The following PCDH15 variants were observed in gnomAD, a reference collection of about 807,000 sequenced individuals.
PCDH15 encodes the protein protocadherin related 15, also known as protocadherin-15.
PCDH15 carries 129 observed loss-of-function variants against 178.5 expected under a neutral mutation model. The observed-to-expected ratio is 0.72, with a 90% confidence interval of 0.63 to 0.84. The LOEUF (loss-of-function observed/expected upper bound fraction) is 0.84, where lower values mean the gene tolerates loss of function less well. Ranked by LOEUF, PCDH15 falls within the 40% of genes least tolerant of loss-of-function variation. The pLI is 0.00. For missense variants in PCDH15, 2,230 were observed against 2,099.9 expected, an observed-to-expected ratio of 1.06 and a Z score of -1.21; for synonymous variants, 800 against 732.0, an observed-to-expected ratio of 1.09 and a Z score of -1.50.
At chr10:54,645,921 G>A (rs540904954) in intron 2 of PCDH15, among the ~76,000 whole-genome samples, 5 of 152,022 alleles carry the variant, frequency 3.3e-5, no homozygotes, top group Admixed American at 3.3e-4. Flanking sequence ...TATTATTCTT[G>A]ATTATGGATA....
intron 1 of PCDH15, among the ~76,000 whole-genome samples, chr10:54,744,372 C>T (rs1197590671): frequency 1.3e-5 from 2 of 152,066 alleles, no homozygotes; most frequent in Non-Finnish European, 2.9e-5. Flanking sequence ...ATGTTTGCTG[C>T]TTTATCCAGT....
intron 18 of PCDH15, among the ~76,000 whole-genome samples, chr10:54,062,002 A>C (rs1354575443): frequency 6.6e-6 from 1 of 152,086 alleles, no homozygotes; most frequent in East Asian, 1.9e-4. Context: ...AGGCGGGCAG[A>C]TCACCTGAGG....
At chr10:55,551,579 T>G (rs1378944804) in intron 2 of PCDH15, among the ~76,000 whole-genome samples, 1 of 151,820 alleles carries the variant, frequency 6.6e-6, no homozygotes, top group Non-Finnish European at 1.5e-5. Context: ...CCCAAAAAAG[T>G]TGGCAATATT....
chr10:54,242,184 A>G (rs1397873022), intron 8 of PCDH15, among the ~76,000 whole-genome samples: 1 of 109,002 alleles, frequency 9.2e-6, no homozygotes, highest in African/African-American at 4.2e-5. Context: ...ATATATATAT[A>G]TATACACACA....
At chr10:54,626,437 C>T (rs1379340550) in intron 2 of PCDH15, among the ~76,000 whole-genome samples, 1 of 152,130 alleles carries the variant, frequency 6.6e-6, no homozygotes, top group Non-Finnish European at 1.5e-5. Flanking sequence ...GGACCTGATG[C>T]CCTGCTTCCA....
At chr10:55,531,845 T>A (rs1386871315) in intron 2 of PCDH15, among the ~76,000 whole-genome samples, 2 of 152,050 alleles carry the variant, frequency 1.3e-5, no homozygotes, top group African/African-American at 4.8e-5. Flanking sequence ...TGATAGCATG[T>A]CATAAAGTGT....
rs114770563 is a variant in PCDH15, at chr10:55,201,448, T to G, written c.-155-34797A>C. ...AGGAGAAAATATTGCTAATGATTTATTATATAAGCACCTTAAATTATGTCA... is the reference window on the plus strand; with the variant it reads ...AGGAGAAAATATTGCTAATGATTTAGTATATAAGCACCTTAAATTATGTCA... On this transcript the variant is annotated intron_variant, in intron 1 of 5. Coordinates refer to the PCDH15 transcript ENST00000458638. 9.3e-3 allele frequency among the ~76,000 whole-genome samples: 1,411 copies of G among 152,286 alleles called. 29 individuals are homozygous for G. The highest frequency in any genetic ancestry group is 0.032 in the African/African-American group (1,333 of 41,522).
intron 1 of PCDH15, among the ~76,000 whole-genome samples, chr10:55,209,955 A>T (rs1457725658): frequency 2.0e-5 from 3 of 152,076 alleles, no homozygotes; most frequent in Admixed American, 1.3e-4. Context: ...TCTAGAACTA[A>T]GCCTTGAAGA....
chr10:54,509,488 G>A (rs1437380027), intron 3 of PCDH15, among the ~76,000 whole-genome samples: 4 of 151,962 alleles, frequency 2.6e-5, no homozygotes, highest in Non-Finnish European at 5.9e-5. Flanking sequence ...AGTGTTCTTT[G>A]GAAAGATAGC....
chr10:53,959,477 T>C (rs2088040796), intron 23 of PCDH15, among the ~76,000 whole-genome samples: 1 of 152,078 alleles, frequency 6.6e-6, no homozygotes, highest in South Asian at 2.1e-4. Flanking sequence ...CAAAATATAA[T>C]GTTGTATTTT....
chr10:53,991,157 C>T (rs774036850), intron 21 of PCDH15, among the ~76,000 whole-genome samples: 278 of 152,212 alleles, frequency 1.8e-3, no homozygotes, highest in Non-Finnish European at 3.3e-3. Flanking sequence ...TGCTCCATGG[C>T]GCCCGGTCCC....
chr10:54,832,741 T>C (rs1232349716), intron 3 of PCDH15, among the ~76,000 whole-genome samples: 1 of 152,198 alleles, frequency 6.6e-6, no homozygotes, highest in African/African-American at 2.4e-5. Context: ...CTTTTATTAC[T>C]GGATAATTAG....
chr10:55,224,612 G>A (rs1840974900), intron 1 of PCDH15, among the ~76,000 whole-genome samples: 1 of 152,104 alleles, frequency 6.6e-6, no homozygotes. Context: ...AAGGCCCTGA[G>A]TATAAGGCTC....
At chr10:54,733,942 C>T (rs1418145237) in intron 1 of PCDH15, among the ~76,000 whole-genome samples, 1 of 149,408 alleles carries the variant, frequency 6.7e-6, no homozygotes, top group Non-Finnish European at 1.5e-5. Context: ...TCAAAATCAA[C>T]AGTAAAGGAT....
At chr10:54,475,402 T>C (rs2078208804) in intron 3 of PCDH15, among the ~76,000 whole-genome samples, 1 of 151,972 alleles carries the variant, frequency 6.6e-6, no homozygotes, top group South Asian at 2.1e-4. Context: ...GTAACATTTT[T>C]AAGCCTTAAT....
chr10:54,545,587 A>C (rs1339373652), intron 2 of PCDH15, among the ~76,000 whole-genome samples: 1 of 152,068 alleles, frequency 6.6e-6, no homozygotes, highest in Non-Finnish European at 1.5e-5. Flanking sequence ...AGGAAGGAAG[A>C]GAAAGAAGAC....
Position 54,153,183 on chromosome 10 carries a change from G to A in PCDH15, c.1701C>T (p.Ile567=), listed in dbSNP as rs773444573. 5 of 1,613,900 alleles carry A rather than the reference G, an allele frequency of 3.1e-6. No homozygotes were observed. Among genetic ancestry groups the A allele is most frequent in the Non-Finnish European group, 3.4e-6 (4 of 1,179,882 alleles). The change falls in exon 14 of 38, where the codon ATC becomes ATT. Residue 567 remains isoleucine, a synonymous_variant. Coordinates refer to ENST00000644397, the MANE Select transcript of PCDH15 (RefSeq NM_001384140.1). ...IINKTTGLIT[I]APGVEMIVGR... ...CGACTATCATTTCCACCCCTGGAGC[G>A]ATGGTGATAAGCCCTGTTGTTTTAT... is the stretch of plus-strand genomic sequence containing the variant.
At chr10:55,023,574 G>C (rs117178061) in intron 2 of PCDH15, among the ~76,000 whole-genome samples, 9 of 151,580 alleles carry the variant, frequency 5.9e-5, no homozygotes, top group African/African-American at 1.9e-4. Context: ...CACACACACA[G>C]ACACACACAC....
At position 55,460,795 on chromosome 10, in the gene PCDH15, A is replaced by G. The variant is rs1053635060; in HGVS notation, c.-156+166830T>C. ...TTGTATGCCAGACATTGTATATTTTATCTCATTCAGTGCTGGATATTTTTC... is the reference window on the plus strand; with the variant it reads ...TTGTATGCCAGACATTGTATATTTTGTCTCATTCAGTGCTGGATATTTTTC... On this transcript the variant is annotated intron_variant, in intron 2 of 5. Transcript: ENST00000613346. 5.3e-5 allele frequency among the ~76,000 whole-genome samples: 8 copies of G among 152,070 alleles called. No individual in the cohort carries two copies. The East Asian group carries it at 9.7e-4, about 18-fold the overall frequency.
Sources: gnomAD v4.1 joint callset for allele counts (sites outside exome capture counted in the v4.1 genomes callset) on GRCh38, gnomAD v4.1.1 for gene constraint, MANE v1.5 for transcripts, NCBI Gene and HGNC (gene_info 2026-07-23, HGNC 2026-07-21) for gene names.